CNTN5: variants seen among roughly 807,000 people sequenced by gnomAD.
The protein encoded by CNTN5 is contactin 5.
In CNTN5, 77 loss-of-function variants were observed where a neutral mutation model predicts 129.1. That is an observed-to-expected ratio of 0.60 (90% confidence interval 0.50 to 0.72). The LOEUF (loss-of-function observed/expected upper bound fraction) is 0.72. Among genes scored for constraint, CNTN5 ranks in the 30% least tolerant of loss-of-function variants. CNTN5 has a pLI of 0.00. For synonymous variants in CNTN5, 509 were observed against 465.6 expected (o/e 1.09, Z -1.20); for missense variants, 1,478 against 1,328.8 (o/e 1.11, Z -1.75).
At chr11:99,729,574 A>G (rs1426675115) in intron 3 of CNTN5, among the ~76,000 whole-genome samples, 1 of 152,168 alleles carries the variant, frequency 6.6e-6, no homozygotes, top group African/African-American at 2.4e-5. Flanking sequence ...GGCTGGTTCT[A>G]GATCTTTAAG....
intron 3 of CNTN5, among the ~76,000 whole-genome samples, chr11:99,726,007 T>TACTTA (rs1943324853): frequency 6.6e-6 from 1 of 152,250 alleles, no homozygotes; most frequent in African/African-American, 2.4e-5. Flanking sequence ...TCTTACTTAT[T>TACTTA]TGGCTATTCT....
chr11:100,019,900 C>T (rs999332009), intron 9 of CNTN5, among the ~76,000 whole-genome samples: 3 of 151,854 alleles, frequency 2.0e-5, no homozygotes, highest in African/African-American at 7.2e-5. Context: ...TGAGGTGATA[C>T]CACATTGTGG....
At chr11:99,895,242 C>T (rs1949175316) in intron 6 of CNTN5, among the ~76,000 whole-genome samples, 1 of 152,180 alleles carries the variant, frequency 6.6e-6, no homozygotes, top group Non-Finnish European at 1.5e-5. Flanking sequence ...TAAATGTCTG[C>T]TAGACCTGGG....
chr11:99,382,844 A>ATTTTTTTTTTTTTTTTTTT lies in CNTN5; in HGVS notation c.-71+57360_-71+57361insTTTTTTTTTTTTTTTTTTT, dbSNP rs774797660. 2.7e-4 allele frequency among the ~76,000 whole-genome samples: 19 copies of ATTTTTTTTTTTTTTTTTTT among 69,376 alleles called. 2 individuals carry two copies. Among genetic ancestry groups the ATTTTTTTTTTTTTTTTTTT allele is most frequent in the African/African-American group, 1.1e-3 (16 of 13,960 alleles). 45.5% of individuals were successfully genotyped at this position (69,376 alleles called of 152,430 possible). On this transcript the variant is annotated intron_variant, in intron 2 of 24. Coordinates refer to ENST00000524871, the MANE Select transcript of CNTN5 (RefSeq NM_014361.4). The stretch of plus-strand genomic sequence containing the variant: ...CACATCTCACTAGTGTCTCTAAATA[A>ATTTTTTTTTTTTTTTTTTT]CTTTTTTTTTTTTTTTTTTTTTTTT...
At chr11:99,368,175 C>T (rs1174441587) in intron 2 of CNTN5, among the ~76,000 whole-genome samples, 2 of 151,912 alleles carry the variant, frequency 1.3e-5, no homozygotes, top group Admixed American at 6.6e-5. Context: ...GTTTTCTTCC[C>T]CCCATTTTAC....
chr11:99,171,785 TATTATC>T (rs371544671), intron 1 of CNTN5, among the ~76,000 whole-genome samples: 3 of 152,344 alleles, frequency 2.0e-5, no homozygotes, highest in Non-Finnish European at 4.4e-5. Flanking sequence ...CTCTTTCTGT[TATTATC>T]ATTAAAGTAT....
chr11:100,342,621 A>G (rs1952191413), intron 23 of CNTN5, among the ~76,000 whole-genome samples: 1 of 152,142 alleles, frequency 6.6e-6, no homozygotes, highest in Non-Finnish European at 1.5e-5. Context: ...CCTCTTTCCC[A>G]GTCATTGTTC....
intron 2 of CNTN5, among the ~76,000 whole-genome samples, chr11:99,422,544 A>C (rs974376869): frequency 5.8e-5 from 8 of 137,084 alleles, no homozygotes; most frequent in Non-Finnish European, 1.2e-4. Flanking sequence ...ATATATATAT[A>C]TATATATATA....
At chr11:100,133,536 G>C (rs1946437052) in intron 13 of CNTN5, among the ~76,000 whole-genome samples, 1 of 152,088 alleles carries the variant, frequency 6.6e-6, no homozygotes, top group South Asian at 2.1e-4. Flanking sequence ...TATAATTATA[G>C]TTTTGCATTG....
intron 9 of CNTN5, among the ~76,000 whole-genome samples, chr11:100,004,130 G>A (rs936408504): frequency 6.6e-6 from 1 of 152,148 alleles, no homozygotes; most frequent in Admixed American, 6.5e-5. Context: ...TCTTACTTCA[G>A]CAAGCACATG....
intron 3 of CNTN5, among the ~76,000 whole-genome samples, chr11:99,770,881 G>T (rs1021071868): frequency 2.0e-5 from 3 of 151,990 alleles, no homozygotes; most frequent in Admixed American, 6.6e-5. Context: ...AAAGCTGGAG[G>T]CATCACAGCT....
rs558405641 is a variant in CNTN5 at position 99,653,593 on chromosome 11, GA to G, written c.55+97328del. Among the ~76,000 whole-genome samples, 342 of 152,122 alleles carry G rather than the reference GA, an allele frequency of 2.2e-3. 1 individual carries two copies. The highest frequency in any genetic ancestry group is 7.5e-3 in the African/African-American group (312 of 41,542). Reference sequence around the variant, plus strand: ...ATACTAAATGTAAAATGTGAGGGGGGAAAATGCTTATAGGCAAGAAAGAAAT... The same window carrying G: ...ATACTAAATGTAAAATGTGAGGGGGGAAATGCTTATAGGCAAGAAAGAAAT... On this transcript the variant is annotated intron_variant, in intron 3 of 24. Transcript: ENST00000524871.
At chr11:99,574,653 T>C (rs1337983400) in intron 3 of CNTN5, among the ~76,000 whole-genome samples, 1 of 152,250 alleles carries the variant, frequency 6.6e-6, no homozygotes, top group Non-Finnish European at 1.5e-5. Context: ...ATTCCTCTAA[T>C]GACTGGTGAT....
chr11:99,480,659 ATGTAACT>A (rs1945560354), intron 2 of CNTN5, among the ~76,000 whole-genome samples: 1 of 152,142 alleles, frequency 6.6e-6, no homozygotes. Flanking sequence ...GAGTGTATCT[ATGTAACT>A]TCTGTTACTA....
chr11:100,320,749 A>G (rs1951674891), intron 21 of CNTN5, among the ~76,000 whole-genome samples: 1 of 152,138 alleles, frequency 6.6e-6, no homozygotes, highest in Non-Finnish European at 1.5e-5. Context: ...TGGAAGCTGA[A>G]GGTCTAATTT....
intron 3 of CNTN5, among the ~76,000 whole-genome samples, chr11:99,673,414 C>G (rs1380783729): frequency 6.6e-6 from 1 of 152,132 alleles, no homozygotes; most frequent in Non-Finnish European, 1.5e-5. Context: ...TGTAAAGCAT[C>G]AAGAACAGTG....
intron 3 of CNTN5, among the ~76,000 whole-genome samples, chr11:99,730,910 C>T (rs1392302790): frequency 1.3e-5 from 2 of 152,114 alleles, no homozygotes; most frequent in East Asian, 3.9e-4. Context: ...TAAGTGTATG[C>T]ATGTACCCAT....
At chr11:99,356,185 A>T (rs568657444) in intron 2 of CNTN5, among the ~76,000 whole-genome samples, 1 of 130,748 alleles carries the variant, frequency 7.6e-6, no homozygotes, top group East Asian at 2.9e-4. Flanking sequence ...TAATGCCTTA[A>T]CCACCCCCCC....
chr11:100,299,027 G>T, intron 19 of CNTN5, 135 bp from the exon 20 acceptor site: 1 of 543,288 alleles, frequency 1.8e-6, no homozygotes, highest in Non-Finnish European at 3.2e-6. Context: ...TACTATTTTG[G>T]CTTCCAATGT....
Sources: gnomAD v4.1 joint callset for allele counts (sites outside exome capture counted in the v4.1 genomes callset) on GRCh38, gnomAD v4.1.1 for gene constraint, MANE v1.5 for transcripts, NCBI Gene and HGNC (gene_info 2026-07-23, HGNC 2026-07-21) for gene names.